The following MORC4 variants were observed in gnomAD, a reference collection of about 807,000 sequenced individuals.
MORC4 encodes MORC family CW-type zinc finger protein 4.
MORC4 carries 22 observed loss-of-function variants against 65.5 expected under a neutral mutation model. The observed-to-expected ratio is 0.34, with a 90% confidence interval of 0.24 to 0.48. The LOEUF is 0.48. Ranked by LOEUF, MORC4 falls within the 20% of genes least tolerant of loss-of-function variation. MORC4 has a pLI of 0.99. For missense variants in MORC4, 624 were observed against 703.0 expected, an observed-to-expected ratio of 0.89 and a Z score of 1.27; for synonymous variants, 267 against 255.8, an observed-to-expected ratio of 1.04 and a Z score of -0.42.
At chrX:106,995,224 T>C (rs1935055364) in intron 2 of MORC4, among the ~76,000 whole-genome samples, 2 of 107,343 alleles carry the variant, frequency 1.9e-5, no homozygotes, top group Admixed American at 2.0e-4. Context: ...TCCTAACTAC[T>C]CTTATAAATC....
intron 3 of MORC4, among the ~76,000 whole-genome samples, chrX:106,990,674 C>A (rs1340926476): frequency 1.8e-5 from 2 of 112,107 alleles, no homozygotes; most frequent in Non-Finnish European, 3.8e-5. Context: ...GAGTTCAAGA[C>A]CAGCCTGGCC....
intron 2 of MORC4, among the ~76,000 whole-genome samples, chrX:106,994,020 A>G (rs1426597938): frequency 8.9e-6 from 1 of 112,494 alleles, no homozygotes; most frequent in Non-Finnish European, 1.9e-5. Context: ...ATAGTTTTAA[A>G]GGTAAGGCTG....
rs905113899 is a variant in MORC4 at position 106,940,756 on chromosome X, A to AT, written c.*722dup. The stretch of plus-strand genomic sequence containing the variant: ...TACTTGATCTTTTTAAAAACAATTT[A>AT]TTTTTTTCCAATGTAAGAATAACAA... On this transcript the variant is annotated 3_prime_UTR_variant, in exon 17 of 17. Coordinates refer to ENST00000355610, the MANE Select transcript of MORC4 (RefSeq NM_024657.5). 5.3e-5 allele frequency: 6 copies of AT among 112,273 alleles called. No homozygotes were observed. Among genetic ancestry groups the AT allele is most frequent in the Non-Finnish European group, 7.5e-5 (4 of 53,141 alleles). The allele number at this position is 112,273 out of a possible 1,213,427, so 9.3% of individuals were successfully genotyped here.
At chrX:106,989,996 GC>G (rs1486555409) in intron 3 of MORC4, among the ~76,000 whole-genome samples, 2 of 107,405 alleles carry the variant, frequency 1.9e-5, no homozygotes, top group African/African-American at 6.8e-5. Context: ...GACCATCCTG[GC>G]TGCCAACATG....
At chrX:106,946,442 T>C (rs1266826266) in intron 14 of MORC4, among the ~76,000 whole-genome samples, 3 of 112,741 alleles carry the variant, frequency 2.7e-5, no homozygotes, top group Admixed American at 1.9e-4. Flanking sequence ...GTTTCATCCA[T>C]GTTGTAGCAC....
intron 9 of MORC4, among the ~76,000 whole-genome samples, chrX:106,972,928 AAAAC>A (rs762994907): frequency 3.1e-4 from 35 of 112,786 alleles, no homozygotes; most frequent in Non-Finnish European, 5.4e-4. Context: ...CTCCATCTCA[AAAAC>A]AAACAAACAA....
At chrX:106,970,263 G>A (rs140275675) in intron 9 of MORC4, among the ~76,000 whole-genome samples, 3,359 of 111,851 alleles carry the variant, frequency 0.03, 129 homozygotes, top group African/African-American at 0.1. Context: ...AAAAGCCTTC[G>A]ACAAAATTCA....
chrX:106,966,311 A>T (rs1184438277), intron 9 of MORC4, among the ~76,000 whole-genome samples: 1 of 112,329 alleles, frequency 8.9e-6, no homozygotes, highest in Non-Finnish European at 1.9e-5. Flanking sequence ...AGATAAAGTG[A>T]GCGTTTCCAA....
At chrX:106,992,055 G>A (rs1171933167) in intron 3 of MORC4, among the ~76,000 whole-genome samples, 1 of 111,841 alleles carries the variant, frequency 8.9e-6, no homozygotes, top group Non-Finnish European at 1.9e-5. Context: ...GATGTTATAA[G>A]TTAAAGGATT....
At chrX:106,990,493 G>A (rs1395426000) in intron 3 of MORC4, among the ~76,000 whole-genome samples, 1 of 112,045 alleles carries the variant, frequency 8.9e-6, no homozygotes, top group African/African-American at 3.2e-5. Flanking sequence ...CCTGGACTCA[G>A]GCAATCTGCC....
chrX:106,963,339 A>G (rs1602487178), intron 9 of MORC4, among the ~76,000 whole-genome samples: 1 of 111,801 alleles, frequency 8.9e-6, no homozygotes, highest in African/African-American at 3.3e-5. Context: ...AAAGTTTGCA[A>G]CTTCCAGGAG....
chrX:106,993,874 C>T (rs1935027911), intron 2 of MORC4, among the ~76,000 whole-genome samples: 1 of 112,119 alleles, frequency 8.9e-6, no homozygotes, highest in Non-Finnish European at 1.9e-5. Context: ...ACAGAGAGTA[C>T]TGCCATTCCT....
rs1227606324 is a variant in MORC4 at position 106,960,834 on chromosome X, G to A, written c.1256+1178C>T. Among the ~76,000 whole-genome samples, 7 of 112,082 alleles carry A rather than the reference G, an allele frequency of 6.2e-5. No homozygotes were observed. The East Asian group carries it at 2.0e-3, about 31-fold the overall frequency. ...CTGAGATCTTCAGAATAAGAAGAGG[G>A]TGATATACATACAGCCATTAGGTTG... On this transcript the variant is annotated intron_variant, in intron 10 of 16. Transcript: ENST00000355610.
At chrX:106,967,581 C>T (rs1039822694) in intron 9 of MORC4, among the ~76,000 whole-genome samples, 7 of 111,826 alleles carry the variant, frequency 6.3e-5, no homozygotes, top group African/African-American at 2.3e-4. Flanking sequence ...AAAGGTTAGA[C>T]GAATGGCTAA....
intron 11 of MORC4, 120 bp from the exon 12 acceptor site, chrX:106,957,124 T>C (rs1288788899): frequency 5.5e-6 from 2 of 363,843 alleles, no homozygotes; most frequent in Non-Finnish European, 9.4e-6. Flanking sequence ...TCAGATCCCA[T>C]TCAAATTATA....
chrX:106,965,008 CAAA>C (rs35150290), intron 9 of MORC4, among the ~76,000 whole-genome samples: 7 of 75,085 alleles, frequency 9.3e-5, no homozygotes, highest in Non-Finnish European at 5.5e-5. Context: ...AACTCCATGT[CAAA>C]AAAAAAAAAA....
At chrX:106,956,809 C>A in intron 12 of MORC4, 127 bp downstream of exon 12, 2 of 507,065 alleles carry the variant, frequency 3.9e-6, no homozygotes, top group East Asian at 6.7e-5. Context: ...ACTGGGAGAG[C>A]AGAGAGGTGA....
intron 11 of MORC4, 136 bp from the exon 12 acceptor site, chrX:106,957,140 TTGTTATA>T (rs1452145335): frequency 3.0e-6 from 1 of 328,623 alleles, no homozygotes; most frequent in Non-Finnish European, 5.3e-6. Flanking sequence ...TTATAAAACC[TTGTTATA>T]TGTAAAGCAT....
At position 106,980,987 on chromosome X, in the gene MORC4, G is replaced by T. The variant is rs780250851; in HGVS notation, c.840C>A (p.Arg280=). The change falls in exon 7 of 17, where the codon CGC becomes CGA. Residue 280 remains arginine, a synonymous_variant. Transcript: ENST00000355610. ...AFCGILYMKP[R]MKIFLRQKKV... ...TCTTTTGACGCAGAAAAATTTTCAT[G>T]CGTGGCTTCATGTATAGAATACCAC... 15 of 1,207,747 alleles carry T rather than the reference G, an allele frequency of 1.2e-5. No homozygotes were observed. In the Admixed American group the frequency reaches 2.6e-4, roughly 21 times the overall value.
Sources: gnomAD v4.1 joint callset for allele counts (sites outside exome capture counted in the v4.1 genomes callset) on GRCh38, gnomAD v4.1.1 for gene constraint, MANE v1.5 for transcripts, NCBI Gene and HGNC (gene_info 2026-07-23, HGNC 2026-07-21) for gene names.